The following CLASP1 variants were observed in gnomAD, a reference collection of about 807,000 sequenced individuals.
CLASP1 encodes the protein cytoplasmic linker associated protein 1.
A neutral mutation model predicts 192.3 loss-of-function variants in CLASP1; 38 were observed. The ratio of observed to expected loss-of-function variants is 0.20; its 90% CI spans 0.15 to 0.26. The LOEUF is 0.26. CLASP1 is among the 10% of genes least tolerant of loss of function. CLASP1 has a pLI of 1.00. For synonymous variants in CLASP1, 691 were observed against 712.8 expected, an observed-to-expected ratio of 0.97 and a Z score of 0.49; for missense variants, 1,433 against 1,932.5, an observed-to-expected ratio of 0.74 and a Z score of 4.85.
chr2:121,404,323 C>A (rs766613523), intron 26 of CLASP1, 48 bp downstream of exon 27: 4 of 1,597,738 alleles, frequency 2.5e-6, no homozygotes, highest in Non-Finnish European at 3.4e-6. Context: ...ACACAGAGCA[C>A]ACAGACATGC....
chr2:121,531,029 C>CATA (rs1559536056), intron 2 of CLASP1: 3 of 700,192 alleles, frequency 4.3e-6, no homozygotes, highest in Non-Finnish European at 7.8e-6. Flanking sequence ...TTTTCATAGA[C>CATA]TTATCAGTTC....
At chr2:121,382,928 A>G (rs1378352529) in intron 32 of CLASP1, among the ~76,000 whole-genome samples, 1 of 152,230 alleles carries the variant, frequency 6.6e-6, no homozygotes, top group African/African-American at 2.4e-5. Flanking sequence ...CTAGAGGGCT[A>G]GCATGTTAAG....
chr2:121,518,156 G>A (rs577979470), intron 6 of CLASP1, among the ~76,000 whole-genome samples: 56 of 148,778 alleles, frequency 3.8e-4, no homozygotes, highest in Admixed American at 5.4e-4. Flanking sequence ...ACTTAAACCC[G>A]GGAGGCAGAG....
chr2:121,548,720 GAAACCCTGTAAGTCAGA>G (rs1297218596), intron 2 of CLASP1, among the ~76,000 whole-genome samples: 1 of 151,710 alleles, frequency 6.6e-6, no homozygotes, highest in Non-Finnish European at 1.5e-5. Context: ...CTTCTCAGCT[GAAACCCTGTAAGTCAGA>G]AGAGATTGGG....
intron 8 of CLASP1, among the ~76,000 whole-genome samples, chr2:121,497,695 G>C (rs1226895606): frequency 6.6e-6 from 1 of 152,072 alleles, no homozygotes; most frequent in East Asian, 1.9e-4. Context: ...GAAACTAGGA[G>C]GAGGTCAGAC....
chr2:121,407,058 A>T (rs112895570), intron 25 of CLASP1, among the ~76,000 whole-genome samples: 2,798 of 152,164 alleles, frequency 0.018, 57 homozygotes, highest in Non-Finnish European at 0.022. Context: ...TCTACTACAA[A>T]TACAAAAATT....
intron 26 of CLASP1, chr2:121,404,149 T>C (rs2076558797): frequency 2.5e-6 from 1 of 394,164 alleles, no homozygotes; most frequent in Non-Finnish European, 3.4e-6. Flanking sequence ...CCTGATAACA[T>C]TTACTTGAAA....
intron 17 of CLASP1, 118 bp from the exon 18 acceptor site, chr2:121,448,443 G>A (rs1377736296): frequency 7.2e-6 from 7 of 976,874 alleles, no homozygotes; most frequent in Non-Finnish European, 1.1e-5. Context: ...AGAATTTTTT[G>A]GGCAATGTGA....
intron 21 of CLASP1, 122 bp from the exon 22 acceptor site, chr2:121,425,428 A>C (rs2080221742): frequency 2.5e-6 from 2 of 787,116 alleles, no homozygotes; most frequent in Non-Finnish European, 3.9e-6. Flanking sequence ...TATAAAAATA[A>C]ATTTTTATTT....
rs71398039 is a variant in CLASP1, at chr2:121,633,028, A to ATG, written c.-286+16343_-286+16344insCA. The stretch of plus-strand genomic sequence containing the variant: ...TGTGCATATATATATATATATATAT[A>ATG]GGCTTTTTTTCATGAATATAATTAA... On this transcript the variant is annotated intron_variant, in intron 1 of 39. Transcript: ENST00000263710. Among the ~76,000 whole-genome samples the ATG allele has an allele frequency of 5.3e-3, 731 of 137,544 alleles. 45 individuals carry two copies. Among genetic ancestry groups the ATG allele is most frequent in the African/African-American group, 0.02 (691 of 34,270 alleles). 90.2% of individuals were successfully genotyped at this position (137,544 alleles called of 152,430 possible).
chr2:121,558,718 T>C (rs1398395930), intron 2 of CLASP1, among the ~76,000 whole-genome samples: 1 of 152,186 alleles, frequency 6.6e-6, no homozygotes, highest in African/African-American at 2.4e-5. Context: ...CTTTTTACAA[T>C]AATTTATCCA....
intron 37 of CLASP1, among the ~76,000 whole-genome samples, chr2:121,357,857 T>C (rs979879978): frequency 6.6e-6 from 1 of 152,214 alleles, no homozygotes; most frequent in African/African-American, 2.4e-5. Flanking sequence ...CCCCCTCCCT[T>C]GGCCACATGG....
chr2:121,635,195 C>T lies in CLASP1; in HGVS notation c.-286+14177G>A, dbSNP rs562536555. Among the ~76,000 whole-genome samples the T allele has an allele frequency of 8.3e-4, 119 of 143,234 alleles. 1 individual carries two copies. Among genetic ancestry groups the T allele is most frequent in the Admixed American group, 3.2e-3 (45 of 14,094 alleles). 94.0% of individuals were successfully genotyped at this position (143,234 alleles called of 152,430 possible). ...CTGCACTCCAACACGGGCAACAAAG[C>T]GAGATTGCGTCTGTAAAAAAAAAAA... On this transcript the variant is annotated intron_variant, in intron 1 of 39. Transcript: ENST00000263710.
intron 2 of CLASP1, among the ~76,000 whole-genome samples, chr2:121,569,608 T>C (rs1344625013): frequency 1.3e-5 from 2 of 152,178 alleles, no homozygotes; most frequent in Non-Finnish European, 2.9e-5. Flanking sequence ...ATCCCAGCAC[T>C]TTGGGAGGCC....
chr2:121,566,770 C>G (rs1333138548), intron 2 of CLASP1, among the ~76,000 whole-genome samples: 2 of 152,182 alleles, frequency 1.3e-5, no homozygotes, highest in East Asian at 3.8e-4. Flanking sequence ...ATCTCATTAC[C>G]TCTTACCCAC....
At chr2:121,538,510 A>T (rs2095151519) in intron 2 of CLASP1, among the ~76,000 whole-genome samples, 1 of 152,010 alleles carries the variant, frequency 6.6e-6, no homozygotes, top group Non-Finnish European at 1.5e-5. Flanking sequence ...AGAAGGCGCT[A>T]GGCATGGTGG....
chr2:121,536,303 C>T (rs920730354), intron 2 of CLASP1, among the ~76,000 whole-genome samples: 1 of 143,672 alleles, frequency 7.0e-6, no homozygotes, highest in South Asian at 2.2e-4. Flanking sequence ...ATCGCATGAA[C>T]CTGGGAGGCG....
At chr2:121,352,831 T>A (rs1341356057) in intron 37 of CLASP1, among the ~76,000 whole-genome samples, 1 of 152,080 alleles carries the variant, frequency 6.6e-6, no homozygotes. Flanking sequence ...TTTTTGTATT[T>A]TTAGTAGAGA....
In CLASP1 at chr2:121,511,386, C is replaced by T. The variant is rs1466631295; in HGVS notation, c.644+4279G>A. 5.3e-5 allele frequency among the ~76,000 whole-genome samples: 8 copies of T among 152,002 alleles called. No homozygotes were observed. The South Asian group carries it at 6.2e-4, about 12-fold the overall frequency. The stretch of plus-strand genomic sequence containing the variant: ...GGTGGATCACCTGAGGTCGGGGGTT[C>T]GAGATCAGCCTAACCAACATGGAGA... On this transcript the variant is annotated intron_variant, in intron 7 of 39. Coordinates refer to ENST00000263710, the Ensembl canonical transcript of CLASP1.
Sources: allele counts gnomAD v4.1 joint callset (sites outside exome capture counted in the v4.1 genomes callset), GRCh38; gene constraint gnomAD v4.1.1; transcripts MANE v1.5; gene names NCBI Gene and HGNC (gene_info 2026-07-23, HGNC 2026-07-21).